Variants in SCAI observed in about 807,000 individuals in gnomAD.
SCAI encodes the protein suppressor of cancer cell invasion.
SCAI carries 24 observed loss-of-function variants against 92.2 expected under a neutral mutation model. The observed-to-expected ratio is 0.26, with a 90% confidence interval of 0.19 to 0.37. The LOEUF is 0.37. SCAI is among the 10% of genes least tolerant of loss of function. The pLI, the probability that SCAI is intolerant of heterozygous loss-of-function variation, is 1.00. For missense variants in SCAI, 450 were observed against 736.2 expected, an observed-to-expected ratio of 0.61 and a Z score of 4.50; for synonymous variants, 261 against 258.6, an observed-to-expected ratio of 1.01 and a Z score of -0.09.
chr9:124,966,557 T>C (rs1255948944), intron 17 of SCAI, among the ~76,000 whole-genome samples: 3 of 152,228 alleles, frequency 2.0e-5, no homozygotes, highest in Non-Finnish European at 2.9e-5. Context: ...TATCTTATAG[T>C]AGTAAATGAT....
intron 2 of SCAI, among the ~76,000 whole-genome samples, chr9:125,063,785 C>T (rs527961020): frequency 5.7e-4 from 85 of 149,216 alleles, no homozygotes; most frequent in Middle Eastern, 7.0e-3. Context: ...CAGAGTTTCA[C>T]TCTTATCACC....
chr9:125,110,193 G>A (rs984274776), intron 2 of SCAI, among the ~76,000 whole-genome samples: 1 of 152,188 alleles, frequency 6.6e-6, no homozygotes, highest in Non-Finnish European at 1.5e-5. Flanking sequence ...ATTATAAGAT[G>A]TATGACCTTG....
chr9:125,074,202 C>T (rs1401549452), intron 2 of SCAI, among the ~76,000 whole-genome samples: 2 of 147,102 alleles, frequency 1.4e-5, no homozygotes, highest in African/African-American at 2.5e-5. Context: ...GAGGTTGCCG[C>T]GAGCCAAGAT....
intron 3 of SCAI, among the ~76,000 whole-genome samples, chr9:125,042,877 T>TTG (rs1833355763): frequency 7.8e-6 from 1 of 127,802 alleles, no homozygotes. Context: ...TTTTTTTTTT[T>TTG]TTTTTTTTTT....
intron 6 of SCAI, among the ~76,000 whole-genome samples, chr9:125,022,915 G>A (rs961563922): frequency 6.6e-6 from 1 of 151,716 alleles, no homozygotes; most frequent in Non-Finnish European, 1.5e-5. Context: ...TCATCATTTT[G>A]TTACTCACTT....
intron 15 of SCAI, among the ~76,000 whole-genome samples, chr9:124,973,477 C>G (rs1418631905): frequency 6.6e-6 from 1 of 152,108 alleles, no homozygotes; most frequent in Admixed American, 6.5e-5. Flanking sequence ...GTGGGTGGAT[C>G]ACTTGAGGTC....
chr9:125,001,040 A>G (rs1404538510), intron 12 of SCAI, among the ~76,000 whole-genome samples: 1 of 152,230 alleles, frequency 6.6e-6, no homozygotes, highest in Admixed American at 6.5e-5. Flanking sequence ...TATATGAGAC[A>G]TACAGATAAT....
intron 2 of SCAI, among the ~76,000 whole-genome samples, chr9:125,066,915 A>T (rs621752): frequency 0.44 from 66,180 of 152,032 alleles, 14,812 homozygotes; most frequent in East Asian, 0.54. Flanking sequence ...GCTGTACAGG[A>T]TTGCAGCCCA....
rs1323054058 is a variant in SCAI at position 125,130,048 on chromosome 9, A to C, written c.98+12585T>G. ...CGAGTAGCTGGGATTATAGGCGCCCACCACCACGCCCAGCTAATTTTTGTA... is the reference window on the plus strand; with the variant it reads ...CGAGTAGCTGGGATTATAGGCGCCCCCCACCACGCCCAGCTAATTTTTGTA... On this transcript the variant is annotated intron_variant, in intron 2 of 17. Coordinates refer to ENST00000336505, the MANE Select transcript of SCAI (RefSeq NM_001144877.3). Among the ~76,000 whole-genome samples the C allele has an allele frequency of 1.5e-4, 23 of 150,868 alleles. No homozygotes were observed. In the Admixed American group the frequency reaches 1.5e-3, roughly 10 times the overall value.
At chr9:125,042,505 T>G (rs1240123310) in intron 3 of SCAI, among the ~76,000 whole-genome samples, 1 of 151,970 alleles carries the variant, frequency 6.6e-6, no homozygotes, top group Non-Finnish European at 1.5e-5. Context: ...GGCATTACAC[T>G]GTTCACCACT....
chr9:125,086,260 C>A (rs1009487410), intron 2 of SCAI, among the ~76,000 whole-genome samples: 1 of 152,162 alleles, frequency 6.6e-6, no homozygotes, highest in African/African-American at 2.4e-5. Context: ...AACACTGTTT[C>A]CAGGCAACTC....
intron 3 of SCAI, among the ~76,000 whole-genome samples, chr9:125,035,164 G>C (rs999082083): frequency 1.3e-5 from 2 of 151,996 alleles, no homozygotes; most frequent in Admixed American, 1.3e-4. Context: ...AGACCAGCCA[G>C]GGCAACAAAG....
chr9:125,096,871 C>T (rs989414748), intron 2 of SCAI, among the ~76,000 whole-genome samples: 4 of 152,216 alleles, frequency 2.6e-5, no homozygotes, highest in African/African-American at 9.6e-5. Flanking sequence ...TGGCCTTATT[C>T]ACTTAAAGTA....
At chr9:124,994,051 T>TC (rs1832188008) in intron 14 of SCAI, among the ~76,000 whole-genome samples, 4 of 151,716 alleles carry the variant, frequency 2.6e-5, no homozygotes, top group Non-Finnish European at 5.9e-5. Flanking sequence ...TTTTTTTTTT[T>TC]GAGACGGAGT....
chr9:124,981,066 T>G (rs1831875083), intron 14 of SCAI, among the ~76,000 whole-genome samples: 1 of 152,220 alleles, frequency 6.6e-6, no homozygotes, highest in South Asian at 2.1e-4. Flanking sequence ...TTGCAGAATA[T>G]ATCATAACTG....
At chr9:125,045,740 C>T (rs1221733352) in intron 3 of SCAI, among the ~76,000 whole-genome samples, 1 of 152,182 alleles carries the variant, frequency 6.6e-6, no homozygotes, top group Admixed American at 6.5e-5. Context: ...TAATCTATCA[C>T]ATTAACATAG....
intron 2 of SCAI, among the ~76,000 whole-genome samples, chr9:125,119,015 A>G (rs984391488): frequency 1.3e-5 from 2 of 152,138 alleles, no homozygotes; most frequent in African/African-American, 2.4e-5. Context: ...CTTACTATCA[A>G]AAAGTCCAGG....
intron 17 of SCAI, among the ~76,000 whole-genome samples, chr9:124,965,857 G>C (rs758202581): frequency 6.6e-6 from 1 of 152,220 alleles, no homozygotes; most frequent in Middle Eastern, 3.4e-3. Context: ...GTTATGCAAG[G>C]TTTACTACAG....
chr9:125,080,223 C>CTT (rs1490077347), intron 2 of SCAI, among the ~76,000 whole-genome samples: 3 of 151,910 alleles, frequency 2.0e-5, no homozygotes, highest in Admixed American at 6.6e-5. Flanking sequence ...GCACTGTCAC[C>CTT]AGAATTTAGA....
Sources: gnomAD v4.1 joint callset for allele counts (sites outside exome capture counted in the v4.1 genomes callset) on GRCh38, gnomAD v4.1.1 for gene constraint, MANE v1.5 for transcripts, NCBI Gene and HGNC (gene_info 2026-07-23, HGNC 2026-07-21) for gene names.